Variants in EXOC2 observed in about 807,000 individuals in gnomAD.
EXOC2 encodes exocyst complex component 2.
Under a neutral mutation model 131.8 loss-of-function variants are expected in EXOC2, and 70 were observed. The observed-to-expected ratio is 0.53, with a 90% CI of 0.44 to 0.65. The LOEUF (loss-of-function observed/expected upper bound fraction) is 0.65, where lower values mean the gene tolerates loss of function less well. Ranked by LOEUF, EXOC2 falls within the 30% of genes least tolerant of loss-of-function variation. EXOC2 has a pLI of 0.00. For missense variants in EXOC2, 923 were observed against 1,108.6 expected (o/e 0.83, Z 2.38); for synonymous variants, 411 against 398.4 (o/e 1.03, Z -0.38).
chr6:546,262 T>C (rs1235477309), intron 22 of EXOC2, among the ~76,000 whole-genome samples: 1 of 152,122 alleles, frequency 6.6e-6, no homozygotes, highest in African/African-American at 2.4e-5. Flanking sequence ...GCAATACTAA[T>C]GAAAATGCAT....
intron 22 of EXOC2, among the ~76,000 whole-genome samples, chr6:539,336 C>T (rs902494333): frequency 4.6e-5 from 7 of 152,348 alleles, no homozygotes; most frequent in Admixed American, 1.3e-4. Flanking sequence ...AATAAGCCAG[C>T]GCCCTGCCAC....
intron 10 of EXOC2, among the ~76,000 whole-genome samples, chr6:597,096 G>A (rs758406673): frequency 2.6e-5 from 4 of 152,168 alleles, no homozygotes; most frequent in Non-Finnish European, 4.4e-5. Flanking sequence ...AAAGTTAACA[G>A]CTAGTTCCCA....
At chr6:658,665 ATTT>A (rs10657323) in intron 1 of EXOC2, among the ~76,000 whole-genome samples, 69 of 115,416 alleles carry the variant, frequency 6.0e-4, no homozygotes, top group Non-Finnish European at 7.6e-4. Flanking sequence ...ATATATATAT[ATTT>A]TTTTTTTTTT....
intron 7 of EXOC2, among the ~76,000 whole-genome samples, chr6:604,170 T>G (rs1320500625): frequency 1.3e-5 from 2 of 152,188 alleles, no homozygotes; most frequent in African/African-American, 2.4e-5. Context: ...AATCTCAAAT[T>G]CAACATGTTG....
intron 20 of EXOC2, among the ~76,000 whole-genome samples, 158 bp from the exon 21 acceptor site, chr6:554,078 T>C (rs1032707159): frequency 6.6e-6 from 1 of 151,692 alleles, no homozygotes. Context: ...CTTGCTCTTG[T>C]CCCCCAGGCT....
At chr6:542,038 A>G (rs1034889133) in intron 22 of EXOC2, among the ~76,000 whole-genome samples, 5 of 152,258 alleles carry the variant, frequency 3.3e-5, no homozygotes, top group African/African-American at 1.2e-4. Flanking sequence ...AATCTTATTT[A>G]TGCTAATGTA....
At chr6:608,521 A>C (rs1211208900) in intron 7 of EXOC2, among the ~76,000 whole-genome samples, 1 of 152,246 alleles carries the variant, frequency 6.6e-6, no homozygotes, top group East Asian at 1.9e-4. Flanking sequence ...AAAAGAGCAA[A>C]CTTCAATAGA....
intron 12 of EXOC2, among the ~76,000 whole-genome samples, chr6:575,456 A>ATCCTCTCCCTCG (rs1233655473): frequency 2.2e-4 from 21 of 97,574 alleles, no homozygotes; most frequent in Admixed American, 2.4e-4. Context: ...CCTCTCCCTC[A>ATCCTCTCCCTCG]CTCCCTCTCC....
At chr6:676,128 G>C (rs1249726570) in intron 1 of EXOC2, among the ~76,000 whole-genome samples, 1 of 77,924 alleles carries the variant, frequency 1.3e-5, no homozygotes, top group Non-Finnish European at 2.7e-5. Flanking sequence ...GGTTCCTCTG[G>C]AGACTCTGAG....
At chr6:635,687 G>T (rs1762065700) in intron 2 of EXOC2, among the ~76,000 whole-genome samples, 1 of 152,182 alleles carries the variant, frequency 6.6e-6, no homozygotes, top group Non-Finnish European at 1.5e-5. Flanking sequence ...AAATTATTTA[G>T]CAGGTTAAGT....
chr6:617,319 G>A (rs900543644), intron 6 of EXOC2, among the ~76,000 whole-genome samples: 1 of 152,234 alleles, frequency 6.6e-6, no homozygotes, highest in Non-Finnish European at 1.5e-5. Context: ...TGTGCGATAA[G>A]GGCTGAAGAG....
At chr6:631,596 G>A (rs1344599746) in intron 3 of EXOC2, among the ~76,000 whole-genome samples, 1 of 151,896 alleles carries the variant, frequency 6.6e-6, no homozygotes, top group Admixed American at 6.6e-5. Flanking sequence ...TATGTGCTAG[G>A]TCCTGGAATG....
At chr6:645,351 G>A (rs1176304942) in intron 1 of EXOC2, among the ~76,000 whole-genome samples, 1 of 151,982 alleles carries the variant, frequency 6.6e-6, no homozygotes, top group Non-Finnish European at 1.5e-5. Context: ...GATAACATAG[G>A]AGATTATCTC....
At chr6:662,195 CAAT>C (rs1763450825) in intron 1 of EXOC2, among the ~76,000 whole-genome samples, 1 of 152,078 alleles carries the variant, frequency 6.6e-6, no homozygotes, top group Non-Finnish European at 1.5e-5. Flanking sequence ...AACAGAAACA[CAAT>C]AATAGTGGGG....
intron 1 of EXOC2, among the ~76,000 whole-genome samples, chr6:654,632 T>C (rs1477408650): frequency 2.7e-5 from 4 of 150,842 alleles, no homozygotes. Context: ...AGACTCCCTC[T>C]CTACAAAAGA....
rs1442430275 is a variant in EXOC2 at position 532,679 on chromosome 6, CAATA to C, written c.2239-73_2239-70del. 6.9e-6 allele frequency: 9 copies of C among 1,309,102 alleles called. No individual in the cohort carries two copies. The East Asian group carries it at 2.5e-4, about 36-fold the overall frequency. 81.1% of individuals were successfully genotyped at this position (1,309,102 alleles called of 1,614,324 possible). The stretch of plus-strand genomic sequence containing the variant: ...GATGGAAAAAGTAAAATAATGTTAA[CAATA>C]AATACTTCAGACTATAATAAAAGCA... On this transcript the variant is annotated intron_variant, in intron 22 of 27. Coordinates refer to ENST00000230449, the MANE Select transcript of EXOC2 (RefSeq NM_018303.6).
intron 16 of EXOC2, 130 bp from the exon 17 acceptor site, chr6:562,975 C>A (rs1757777775): frequency 1.1e-5 from 6 of 540,240 alleles, no homozygotes; most frequent in Non-Finnish European, 1.8e-5. Flanking sequence ...TGAAAGTAGG[C>A]AAAGAATATA....
At chr6:679,892 A>C (rs1281002426) in intron 1 of EXOC2, among the ~76,000 whole-genome samples, 1 of 152,268 alleles carries the variant, frequency 6.6e-6, no homozygotes, top group Non-Finnish European at 1.5e-5. Flanking sequence ...GAAGTATTCT[A>C]AAATGCCAAA....
At chr6:596,431 G>C (rs192738077) in intron 10 of EXOC2, among the ~76,000 whole-genome samples, 1 of 150,524 alleles carries the variant, frequency 6.6e-6, no homozygotes, top group African/African-American at 2.5e-5. Flanking sequence ...GCAGTGGTAC[G>C]ATCACATCTC....
Sources: gnomAD v4.1 joint callset for allele counts (sites outside exome capture counted in the v4.1 genomes callset) on GRCh38, gnomAD v4.1.1 for gene constraint, MANE v1.5 for transcripts, NCBI Gene and HGNC (gene_info 2026-07-23, HGNC 2026-07-21) for gene names.